Variants in PRMT2 observed in about 807,000 individuals in gnomAD.
PRMT2 encodes protein arginine methyltransferase 2, also known as protein arginine N-methyltransferase 2.
A neutral mutation model predicts 57.6 loss-of-function variants in PRMT2; 26 were observed. That is an observed-to-expected ratio of 0.45 (90% CI 0.33 to 0.63). The LOEUF is 0.63. Among genes scored for constraint, PRMT2 ranks in the 20% least tolerant of loss-of-function variants. The pLI is 0.02. For synonymous variants in PRMT2, 219 were observed against 220.0 expected (o/e 1.00, Z 0.04); for missense variants, 472 against 564.4 (o/e 0.84, Z 1.66).
At chr21:46,652,700 A>AT in intron 7 of PRMT2, 1 of 1,133,248 alleles carries the variant, frequency 8.8e-7, no homozygotes, top group Non-Finnish European at 1.1e-6. Flanking sequence ...GAGCATTAAA[A>AT]TTTTTTTGTT....
intron 9 of PRMT2, 165 bp downstream of exon 9, chr21:46,661,127 A>AT (rs2061613535): frequency 3.0e-6 from 2 of 675,428 alleles, no homozygotes; most frequent in Non-Finnish European, 2.2e-6. Flanking sequence ...TTTGCTACTG[A>AT]TTTTTTCCAG....
In PRMT2 at chr21:46,640,508, C is replaced by A. The variant is rs9808769; in HGVS notation, c.40-3027C>A. The stretch of plus-strand genomic sequence containing the variant: ...CCAGGCTGGAGTGCAGTGATGCGAT[C>A]TCGGCTCACTGCAAGCTCCGCCTCC... On this transcript the variant is annotated intron_variant, in intron 3 of 11. Coordinates refer to ENST00000355680, the MANE Select transcript of PRMT2 (RefSeq NM_206962.4). Among the ~76,000 whole-genome samples the A allele has an allele frequency of 2.8e-3, 393 of 142,168 alleles. 3 individuals carry two copies. The highest frequency in any genetic ancestry group is 9.6e-3 in the African/African-American group (363 of 37,888). The allele number at this position is 142,168 out of a possible 152,430, so 93.3% of individuals were successfully genotyped here. A position where few individuals can be genotyped will look rare whatever the true frequency, so the allele number is the denominator to read the frequency against.
chr21:46,660,036 C>G (rs11543056), intron 8 of PRMT2: 27 of 983,488 alleles, frequency 2.7e-5, no homozygotes, highest in Non-Finnish European at 2.7e-5. Flanking sequence ...TTAAGCTTTT[C>G]TTTATACTTG....
At chr21:46,664,009 G>A (rs114243944) in intron 11 of PRMT2, among the ~76,000 whole-genome samples, 2,073 of 152,242 alleles carry the variant, frequency 0.014, 46 homozygotes, top group African/African-American at 0.047. Context: ...TGTGTAGCTC[G>A]CCCAGCTCAC....
At position 46,664,646 on chromosome 21, in the gene PRMT2, T is replaced by G; in HGVS notation, c.*319T>G. The G allele has an allele frequency of 8.7e-6, 4 of 460,518 alleles. No homozygotes were observed. In the South Asian group the frequency reaches 9.6e-5, roughly 11 times the overall value. 28.5% of individuals were successfully genotyped at this position (460,518 alleles called of 1,614,324 possible). On this transcript the variant is annotated 3_prime_UTR_variant, in exon 12 of 12. Transcript: ENST00000355680. Reference sequence around the variant, plus strand: ...GAGCTCCATGTTCCTAAGCTAGGTCTAGGTCTACACTCCTAGGACGCACGC... The same window carrying G: ...GAGCTCCATGTTCCTAAGCTAGGTCGAGGTCTACACTCCTAGGACGCACGC...
chr21:46,637,188 A>G (rs2061188357), intron 3 of PRMT2, among the ~76,000 whole-genome samples, 198 bp downstream of exon 3: 1 of 152,222 alleles, frequency 6.6e-6, no homozygotes, highest in Admixed American at 6.5e-5. Context: ...ATTGGGCACC[A>G]TAACAATTCT....
At chr21:46,652,604 TG>T in intron 7 of PRMT2, 1 of 985,298 alleles carries the variant, frequency 1.0e-6, no homozygotes, top group Non-Finnish European at 1.2e-6. Context: ...GCTGAGGTTG[TG>T]GGGAAGTGTG....
intron 5 of PRMT2, among the ~76,000 whole-genome samples, chr21:46,645,722 T>A (rs1223187811): frequency 7.0e-6 from 1 of 143,370 alleles, no homozygotes; most frequent in African/African-American, 2.5e-5. Flanking sequence ...TTTGTTTTTG[T>A]TTTTTTTTTT....
chr21:46,648,737 T>C lies in PRMT2; in HGVS notation c.489+118T>C, dbSNP rs2061403834. On this transcript the variant is annotated intron_variant, in intron 6 of 11. Transcript: ENST00000355680. This position sits in a 1 kb window ranked among gnomAD's most constrained non-coding sequence, Gnocchi z 4.8. ...TGTTGGGGGCTCACCGGTGACTCCA[T>C]GGTCTTGTTGAGCACCCTGCACGTG... 6.8e-6 allele frequency: 9 copies of C among 1,325,356 alleles called. No homozygotes were observed. The South Asian group carries it at 1.2e-4, about 18-fold the overall frequency. 82.1% of individuals were successfully genotyped at this position (1,325,356 alleles called of 1,614,324 possible).
At position 46,658,572 on chromosome 21, in the gene PRMT2, C is replaced by T. The variant is rs543599580; in HGVS notation, c.655-173C>T. 8 of 1,176,334 alleles carry T rather than the reference C, an allele frequency of 6.8e-6. No individual in the cohort carries two copies. In the East Asian group the frequency reaches 2.2e-4, roughly 32 times the overall value. The allele number at this position is 1,176,334 out of a possible 1,614,324, so 72.9% of individuals were successfully genotyped here. On this transcript the variant is annotated intron_variant, in intron 7 of 11. Transcript: ENST00000355680. ...GTGAGATGCATCAGTGACGTGTGGGCATAAAATAAACCCTCGAGATGTTCT... is the reference window on the plus strand; with the variant it reads ...GTGAGATGCATCAGTGACGTGTGGGTATAAAATAAACCCTCGAGATGTTCT...
At chr21:46,639,943 C>T (rs530547735) in intron 3 of PRMT2, among the ~76,000 whole-genome samples, 1 of 152,152 alleles carries the variant, frequency 6.6e-6, no homozygotes, top group East Asian at 1.9e-4. Context: ...ATTTCTTTTT[C>T]CTGCATGTCT....
intron 3 of PRMT2, 36 bp from the exon 4 acceptor site, chr21:46,643,499 G>T: frequency 7.1e-7 from 1 of 1,403,914 alleles, no homozygotes; most frequent in South Asian, 1.7e-5. Flanking sequence ...AAAAGCTCCA[G>T]CGTCCTCTCC....
At chr21:46,656,818 T>C (rs987054445) in intron 7 of PRMT2, 1 of 152,206 alleles carries the variant, frequency 6.6e-6, no homozygotes, top group Non-Finnish European at 1.5e-5. Flanking sequence ...TGTTGATAAA[T>C]TGAATTTCAT....
intron 11 of PRMT2, 62 bp downstream of exon 11, chr21:46,663,616 G>C (rs937564964): frequency 1.6e-5 from 24 of 1,545,160 alleles, no homozygotes; most frequent in Non-Finnish European, 1.9e-5. Context: ...GACAGGCCTG[G>C]GTGGTGGTAG....
Position 46,636,883 on chromosome 21 carries a change from T to C in PRMT2, c.-56-13T>C, listed in dbSNP as rs2061181465. ...AACAAGTACTTTGTGTCTCCTTCTC[T>C]TTTTAAAAGTAGAAATGGAAAAGAA... On this transcript the variant is annotated splice_polypyrimidine_tract_variant and intron_variant, in intron 2 of 11. Coordinates refer to ENST00000355680, the MANE Select transcript of PRMT2 (RefSeq NM_206962.4). 9 of 1,528,530 alleles carry C rather than the reference T, an allele frequency of 5.9e-6. No homozygotes were observed. The highest frequency in any genetic ancestry group is 7.1e-6 in the Non-Finnish European group (8 of 1,119,048). 94.7% of individuals were successfully genotyped at this position (1,528,530 alleles called of 1,614,324 possible). A position where few individuals can be genotyped will look rare whatever the true frequency, so the allele number is the denominator to read the frequency against.
chr21:46,655,612 C>T (rs1197537220), intron 7 of PRMT2, among the ~76,000 whole-genome samples: 1 of 152,130 alleles, frequency 6.6e-6, no homozygotes, highest in Non-Finnish European at 1.5e-5. Context: ...GAGAAAATTT[C>T]CTAAAACTAG....
At chr21:46,659,259 C>G (rs1269090798) in intron 8 of PRMT2, 12 of 1,044,606 alleles carry the variant, frequency 1.1e-5, no homozygotes, top group African/African-American at 1.7e-5. Flanking sequence ...AAACTTAATT[C>G]TGCATGGAAT....
intron 7 of PRMT2, chr21:46,652,143 A>T: frequency 1.4e-6 from 2 of 1,451,078 alleles, no homozygotes; most frequent in Non-Finnish European, 1.8e-6. Context: ...TGGAGAAAAG[A>T]GGCCCTTCTT....
At position 46,661,888 on chromosome 21, in the gene PRMT2, T is replaced by A; in HGVS notation, c.1049T>A (p.Leu350Gln). The change falls in exon 10 of 12, where the codon CTG becomes CAG. Residue 350 changes from leucine (L) to glutamine (Q), a missense_variant. Around this residue, in one of 2 missense-constraint regions of PRMT2, gnomAD observed 229 missense variants for 217.2 expected, o/e 1.05. Coordinates refer to ENST00000355680, the MANE Select transcript of PRMT2 (RefSeq NM_206962.4). ...TAWFSVHFQS[L>Q]QEGQPPQVLS... The stretch of plus-strand genomic sequence containing the variant: ...TGGTTTAGCGTCCACTTCCAGAGCC[T>A]GCAGGAGGGGCAGCCGCCGCAGGTG... 6.8e-7 allele frequency: 1 copy of A among 1,474,146 alleles called. No individual in the cohort carries two copies. The highest frequency in any genetic ancestry group is 9.1e-7 in the Non-Finnish European group (1 of 1,103,448). 91.3% of individuals were successfully genotyped at this position (1,474,146 alleles called of 1,614,324 possible).
Sources: gnomAD v4.1 joint callset for allele counts (sites outside exome capture counted in the v4.1 genomes callset) on GRCh38, gnomAD v4.1.1 for gene constraint, gnomAD v4.1.1 regional missense constraint, Gnocchi (gnomAD v3.1) non-coding constraint, MANE v1.5 for transcripts, NCBI Gene and HGNC (gene_info 2026-07-23, HGNC 2026-07-21) for gene names.